CFAP61: variants seen among roughly 807,000 people sequenced by gnomAD.
CFAP61 encodes the protein cilia- and flagella-associated protein 61.
In CFAP61, 107 loss-of-function variants were observed where a neutral mutation model predicts 135.6. The ratio of observed to expected loss-of-function variants is 0.79; its 90% CI spans 0.67 to 0.93. The LOEUF (loss-of-function observed/expected upper bound fraction) is 0.93. Among genes scored for constraint, CFAP61 ranks in the 40% least tolerant of loss-of-function variants. The probability of loss-of-function intolerance (pLI) is 0.00; values close to 1 mark genes in which losing one functional copy is unlikely to be tolerated. For synonymous variants in CFAP61, 575 were observed against 578.5 expected (o/e 0.99, Z 0.09); for missense variants, 1,507 against 1,556.2 (o/e 0.97, Z 0.53).
chr20:20,158,984 T>C (rs2053180019), intron 9 of CFAP61, among the ~76,000 whole-genome samples: 1 of 152,250 alleles, frequency 6.6e-6, no homozygotes, highest in Non-Finnish European at 1.5e-5. Context: ...ACTTTTGATA[T>C]AATTACTTTT....
chr20:20,146,091 C>T (rs1169317411), intron 9 of CFAP61, among the ~76,000 whole-genome samples: 1 of 152,188 alleles, frequency 6.6e-6, no homozygotes, highest in African/African-American at 2.4e-5. Flanking sequence ...ATCTTGTGGG[C>T]TGCAGCCCTG....
intron 10 of CFAP61, among the ~76,000 whole-genome samples, chr20:20,160,529 T>C (rs989760115): frequency 6.6e-6 from 1 of 152,060 alleles, no homozygotes; most frequent in African/African-American, 2.4e-5. Flanking sequence ...CATTTCTCCT[T>C]ACTGAATTAA....
At chr20:20,122,468 T>C (rs1054485531) in intron 8 of CFAP61, among the ~76,000 whole-genome samples, 4 of 152,238 alleles carry the variant, frequency 2.6e-5, no homozygotes, top group Non-Finnish European at 4.4e-5. Context: ...GTCATTCTTA[T>C]GCCTTTGTGT....
chr20:20,148,267 T>G (rs527395352), intron 9 of CFAP61, among the ~76,000 whole-genome samples: 43 of 152,320 alleles, frequency 2.8e-4, no homozygotes, highest in Admixed American at 1.9e-3. Flanking sequence ...ATTTTCAGAT[T>G]GTTTTTTCTA....
chr20:20,330,363 G>T (rs1402806216), intron 25 of CFAP61, among the ~76,000 whole-genome samples: 1 of 151,946 alleles, frequency 6.6e-6, no homozygotes, highest in Non-Finnish European at 1.5e-5. Flanking sequence ...TTGTGACAGG[G>T]TCTCACTCTG....
intron 21 of CFAP61, among the ~76,000 whole-genome samples, chr20:20,267,286 G>A (rs2052839833): frequency 6.6e-6 from 1 of 152,220 alleles, no homozygotes; most frequent in Admixed American, 6.5e-5. Context: ...AAGGGCAGCA[G>A]CAGGAGATGA....
intron 9 of CFAP61, 43 bp downstream of exon 9, chr20:20,142,991 C>G (rs750772175): frequency 8.2e-7 from 1 of 1,212,574 alleles, no homozygotes; most frequent in African/African-American, 1.5e-5. Context: ...GGGGGATGGG[C>G]CTGGGGGCTA....
chr20:20,340,305 T>A (rs1253788347), intron 25 of CFAP61, among the ~76,000 whole-genome samples: 3 of 152,166 alleles, frequency 2.0e-5, no homozygotes, highest in Non-Finnish European at 4.4e-5. Context: ...GCCCCCATTT[T>A]CTCTAATACA....
chr20:20,250,937 CT>C (rs1198933582), intron 19 of CFAP61, among the ~76,000 whole-genome samples: 3 of 152,230 alleles, frequency 2.0e-5, no homozygotes, highest in Non-Finnish European at 4.4e-5. Context: ...CCTGGGCCTG[CT>C]GGCGGTCGAA....
At chr20:20,267,447 A>AGAGAGAAG (rs2052859562) in intron 21 of CFAP61, 1 of 152,564 alleles carries the variant, frequency 6.6e-6, no homozygotes, top group Admixed American at 6.5e-5. Flanking sequence ...TTCCATCTGT[A>AGAGAGAAG]GTACCCATGC....
intron 22 of CFAP61, among the ~76,000 whole-genome samples, chr20:20,285,215 T>A (rs2054492880): frequency 6.6e-6 from 1 of 152,064 alleles, no homozygotes; most frequent in Non-Finnish European, 1.5e-5. Context: ...TTGCTCTTTA[T>A]CCTTGGTTTT....
At chr20:20,266,850 T>C (rs1276910058) in intron 21 of CFAP61, among the ~76,000 whole-genome samples, 2 of 152,206 alleles carry the variant, frequency 1.3e-5, no homozygotes, top group Admixed American at 6.5e-5. Flanking sequence ...CTACCTCACA[T>C]GGGTTGCTGA....
intron 1 of CFAP61, among the ~76,000 whole-genome samples, chr20:20,056,223 C>T (rs1427015828): frequency 6.6e-6 from 1 of 152,214 alleles, no homozygotes. Flanking sequence ...GTTTGGAGAA[C>T]TCTATTAAGA....
chr20:20,115,768 G>T (rs1268320254), intron 8 of CFAP61, among the ~76,000 whole-genome samples: 1 of 152,106 alleles, frequency 6.6e-6, no homozygotes. Flanking sequence ...CAAATGACAG[G>T]ATTTTACTTT....
intron 24 of CFAP61, among the ~76,000 whole-genome samples, chr20:20,291,875 A>G (rs563645676): frequency 2.9e-4 from 44 of 152,340 alleles, no homozygotes; most frequent in South Asian, 1.9e-3. Context: ...TTTTTAATCA[A>G]TGAGGCAGAT....
At chr20:20,056,267 A>C (rs1400650742) in intron 1 of CFAP61, among the ~76,000 whole-genome samples, 1 of 152,124 alleles carries the variant, frequency 6.6e-6, no homozygotes, top group East Asian at 1.9e-4. Context: ...TTCCCCAGTA[A>C]CTCTTCACCA....
intron 9 of CFAP61, among the ~76,000 whole-genome samples, chr20:20,151,124 G>T (rs1392638966): frequency 6.6e-6 from 1 of 151,798 alleles, no homozygotes; most frequent in Non-Finnish European, 1.5e-5. Flanking sequence ...CCAGAGAAAG[G>T]TGAAAACCAA....
intron 17 of CFAP61, among the ~76,000 whole-genome samples, chr20:20,216,405 A>G (rs988208608): frequency 2.3e-4 from 35 of 152,196 alleles, no homozygotes; most frequent in African/African-American, 8.4e-4. Flanking sequence ...TTTTTTGAAA[A>G]TAGTTTGTGT....
At chr20:20,112,496 C>CT (rs958507440) in intron 8 of CFAP61, among the ~76,000 whole-genome samples, 1 of 151,906 alleles carries the variant, frequency 6.6e-6, no homozygotes, top group African/African-American at 2.4e-5. Context: ...TTTGATATCT[C>CT]TTTTTTTAAT....
Sources: gnomAD v4.1 joint callset for allele counts (sites outside exome capture counted in the v4.1 genomes callset) on GRCh38, gnomAD v4.1.1 for gene constraint, MANE v1.5 for transcripts, NCBI Gene and HGNC (gene_info 2026-07-23, HGNC 2026-07-21) for gene names.